The following CAMK4 variants were observed in gnomAD, a reference collection of about 807,000 sequenced individuals.
CAMK4 encodes calcium/calmodulin dependent protein kinase IV, also known as calcium/calmodulin-dependent protein kinase type IV.
A neutral mutation model predicts 44.9 loss-of-function variants in CAMK4; 22 were observed. The ratio of observed to expected loss-of-function variants is 0.49; its 90% CI spans 0.35 to 0.70. The LOEUF (loss-of-function observed/expected upper bound fraction) is 0.70. Among genes scored for constraint, CAMK4 ranks in the 30% least tolerant of loss-of-function variants. The pLI is 0.01. For synonymous variants in CAMK4, 218 were observed against 215.4 expected (o/e 1.01, Z -0.11); for missense variants, 498 against 586.8 (o/e 0.85, Z 1.56).
At chr5:111,459,310 A>G (rs896541323) in intron 7 of CAMK4, among the ~76,000 whole-genome samples, 3 of 152,230 alleles carry the variant, frequency 2.0e-5, no homozygotes, top group African/African-American at 4.8e-5. Context: ...TTCTGGCTCA[A>G]TATACAAGAC....
chr5:111,314,431 T>G (rs553505418), intron 1 of CAMK4, among the ~76,000 whole-genome samples: 5 of 152,258 alleles, frequency 3.3e-5, no homozygotes, highest in African/African-American at 9.6e-5. Context: ...TAACAGTGCA[T>G]ATATTGTTCT....
intron 4 of CAMK4, among the ~76,000 whole-genome samples, chr5:111,381,560 AGCCATGCTG>A (rs1319949565): frequency 1.8e-4 from 27 of 152,140 alleles, no homozygotes; most frequent in Admixed American, 1.7e-3. Context: ...CTTTTATCCT[AGCCATGCTG>A]GCAGCTGATT....
intron 5 of CAMK4, among the ~76,000 whole-genome samples, chr5:111,411,338 A>G (rs868094853): frequency 2.0e-5 from 3 of 152,234 alleles, no homozygotes; most frequent in Non-Finnish European, 2.9e-5. Flanking sequence ...TCATAATTGC[A>G]AAAGAGTCAG....
intron 1 of CAMK4, among the ~76,000 whole-genome samples, chr5:111,262,882 G>A (rs1052809913): frequency 2.6e-5 from 4 of 152,214 alleles, no homozygotes; most frequent in African/African-American, 9.6e-5. Context: ...ATTTATTAAA[G>A]GTGAATGTAT....
At chr5:111,354,462 C>G (rs968768097) in intron 2 of CAMK4, among the ~76,000 whole-genome samples, 1 of 147,414 alleles carries the variant, frequency 6.8e-6, no homozygotes, top group South Asian at 2.1e-4. Context: ...AAAAAAACTA[C>G]GTGAGGTGAT....
intron 1 of CAMK4, among the ~76,000 whole-genome samples, chr5:111,282,642 C>T (rs1239838577): frequency 6.6e-6 from 1 of 152,106 alleles, no homozygotes; most frequent in Non-Finnish European, 1.5e-5. Context: ...ATACAGGTTA[C>T]CATTCTTACT....
intron 7 of CAMK4, among the ~76,000 whole-genome samples, chr5:111,455,079 T>C (rs1050575202): frequency 7.9e-5 from 12 of 152,218 alleles, no homozygotes; most frequent in Non-Finnish European, 1.3e-4. Flanking sequence ...AAATGTCCCA[T>C]GTGCTAAGCC....
In CAMK4 at chr5:111,355,132, A is replaced by G. The variant is rs1388367369; in HGVS notation, c.240+11030A>G. Among the ~76,000 whole-genome samples the G allele has an allele frequency of 3.3e-5, 5 of 152,236 alleles. No homozygotes were observed. The South Asian group carries it at 8.3e-4, about 25-fold the overall frequency. Reference sequence around the variant, plus strand: ...AGCTCAAATAGACTTTTTGGGGCCAATTGAGATCTCAGAACACATTAAGGA... The same window carrying G: ...AGCTCAAATAGACTTTTTGGGGCCAGTTGAGATCTCAGAACACATTAAGGA... On this transcript the variant is annotated intron_variant, in intron 2 of 10. Coordinates refer to ENST00000282356, the MANE Select transcript of CAMK4 (RefSeq NM_001744.6).
chr5:111,424,815 A>T (rs1190909550), intron 5 of CAMK4, among the ~76,000 whole-genome samples: 2 of 152,004 alleles, frequency 1.3e-5, no homozygotes, highest in East Asian at 3.9e-4. Context: ...CAACTCTTCC[A>T]GGTGTGATTA....
At chr5:111,480,284 A>ACACACACACC (rs1353995724) in intron 9 of CAMK4, among the ~76,000 whole-genome samples, 1 of 148,880 alleles carries the variant, frequency 6.7e-6, no homozygotes, top group African/African-American at 2.5e-5. Flanking sequence ...ACACACACAC[A>ACACACACACC]CACACCCCTG....
At chr5:111,250,140 T>A (rs1010949179) in intron 1 of CAMK4, among the ~76,000 whole-genome samples, 3 of 152,240 alleles carry the variant, frequency 2.0e-5, no homozygotes, top group African/African-American at 7.2e-5. Flanking sequence ...AAATTTACTA[T>A]GTCCTAGACA....
chr5:111,277,757 T>G (rs1328140609), intron 1 of CAMK4, among the ~76,000 whole-genome samples: 1 of 152,176 alleles, frequency 6.6e-6, no homozygotes, highest in African/African-American at 2.4e-5. Flanking sequence ...ATGTACCATT[T>G]CATATGTTTT....
chr5:111,391,970 T>G (rs1378103525), intron 4 of CAMK4, among the ~76,000 whole-genome samples: 2 of 152,170 alleles, frequency 1.3e-5, no homozygotes, highest in African/African-American at 4.8e-5. Context: ...AGGCTCTCTT[T>G]CCTCCTGCTA....
rs1042032206 is a variant in CAMK4 at position 111,276,602 on chromosome 5, G to GT, written c.161+51966dup. ...ATATATTAAGTCAAAATCTAAAAAAGTTTTTTTTATACTTTCTTGTTCACT... is the reference window on the plus strand; with the variant it reads ...ATATATTAAGTCAAAATCTAAAAAAGTTTTTTTTTATACTTTCTTGTTCACT... On this transcript the variant is annotated intron_variant, in intron 1 of 10. Transcript: ENST00000282356. 1.5e-3 allele frequency among the ~76,000 whole-genome samples: 222 copies of GT among 151,918 alleles called. 1 individual carries two copies. Among genetic ancestry groups the GT allele is most frequent in the African/African-American group, 5.1e-3 (213 of 41,442 alleles).
At chr5:111,319,103 C>T (rs571936789) in intron 1 of CAMK4, among the ~76,000 whole-genome samples, 7 of 152,266 alleles carry the variant, frequency 4.6e-5, no homozygotes, top group African/African-American at 1.7e-4. Context: ...TGTCACAGGC[C>T]TTCACCCTCA....
intron 1 of CAMK4, among the ~76,000 whole-genome samples, chr5:111,266,787 A>G (rs1324276734): frequency 6.6e-6 from 1 of 152,240 alleles, no homozygotes; most frequent in Non-Finnish European, 1.5e-5. Flanking sequence ...AGGGGTGCCA[A>G]AGTGCTAAAT....
intron 2 of CAMK4, among the ~76,000 whole-genome samples, chr5:111,361,131 C>G (rs1750575374): frequency 6.6e-6 from 1 of 151,978 alleles, no homozygotes; most frequent in African/African-American, 2.4e-5. Flanking sequence ...AAGCTTTCTT[C>G]TAAGAGCATC....
chr5:111,439,191 A>G (rs1044247413), intron 5 of CAMK4, among the ~76,000 whole-genome samples: 19 of 152,284 alleles, frequency 1.2e-4, no homozygotes, highest in Admixed American at 9.8e-4. Flanking sequence ...TGCATGCTGG[A>G]AACTTTGGAA....
chr5:111,230,314 C>G (rs1310023321), intron 1 of CAMK4, among the ~76,000 whole-genome samples: 1 of 152,130 alleles, frequency 6.6e-6, no homozygotes, highest in Non-Finnish European at 1.5e-5. Flanking sequence ...TCAGTTTCAC[C>G]TTCACTGTCA....
Sources: allele counts gnomAD v4.1 joint callset (sites outside exome capture counted in the v4.1 genomes callset), GRCh38; gene constraint gnomAD v4.1.1; transcripts MANE v1.5; gene names NCBI Gene and HGNC (gene_info 2026-07-23, HGNC 2026-07-21).